Variants in SRGAP3 observed in about 807,000 individuals in gnomAD.
SRGAP3 encodes the protein SLIT-ROBO Rho GTPase-activating protein 3.
In SRGAP3, 39 loss-of-function variants were observed where a neutral mutation model predicts 121.1. The observed-to-expected ratio is 0.32, with a 90% CI of 0.25 to 0.42. The LOEUF is 0.42. Among genes scored for constraint, SRGAP3 ranks in the 10% least tolerant of loss-of-function variants. The pLI is 1.00. For missense variants in SRGAP3, 1,213 were observed against 1,470.6 expected (o/e 0.82, Z 2.86); for synonymous variants, 601 against 570.0 (o/e 1.05, Z -0.77).
At chr3:9,080,603 C>G (rs544578320) in intron 3 of SRGAP3, among the ~76,000 whole-genome samples, 1 of 152,302 alleles carries the variant, frequency 6.6e-6, no homozygotes, top group Non-Finnish European at 1.5e-5. Context: ...AGTCCCCAGC[C>G]TCCAGGCCAC....
intron 3 of SRGAP3, among the ~76,000 whole-genome samples, chr3:9,268,296 G>GTCTCTCTCTCTCTCTCTCTCTCTC (rs71626912): frequency 6.8e-6 from 1 of 147,678 alleles, no homozygotes; most frequent in African/African-American, 2.5e-5. Context: ...AGAGAGAAGA[G>GTCTCTCTCTCTCTCTCTCTCTCTC]TCTCTCTCTC....
At chr3:9,082,039 A>C (rs1947270931) in intron 3 of SRGAP3, among the ~76,000 whole-genome samples, 1 of 152,180 alleles carries the variant, frequency 6.6e-6, no homozygotes, top group African/African-American at 2.4e-5. Flanking sequence ...TCAGCATTGG[A>C]GGCAGAGCCT....
chr3:9,337,413 T>A (rs938370157), intron 1 of SRGAP3, among the ~76,000 whole-genome samples: 3 of 152,266 alleles, frequency 2.0e-5, no homozygotes, highest in African/African-American at 7.2e-5. Context: ...AAATGTCCCC[T>A]CCAAAAGTCA....
chr3:9,051,017 C>CTTTTTTTTT (rs71049766), intron 9 of SRGAP3, among the ~76,000 whole-genome samples: 2 of 81,858 alleles, frequency 2.4e-5, no homozygotes, highest in Non-Finnish European at 4.7e-5. Context: ...AGCCTCATTG[C>CTTTTTTTTT]TTTTTTTTTT....
At chr3:9,056,190 C>G (rs779977694) in intron 8 of SRGAP3, 43 bp downstream of exon 8, 1 of 1,597,620 alleles carries the variant, frequency 6.3e-7, no homozygotes, top group Non-Finnish European at 8.6e-7. Flanking sequence ...ACAAGCCAGG[C>G]CTTCCAAAGA....
At chr3:9,346,329 GA>G (rs1386202708) in intron 1 of SRGAP3, among the ~76,000 whole-genome samples, 1 of 151,978 alleles carries the variant, frequency 6.6e-6, no homozygotes, top group Non-Finnish European at 1.5e-5. Flanking sequence ...ACTGCACCTT[GA>G]ACTCCTGGGC....
At chr3:9,273,094 T>G (rs1954510508) in intron 3 of SRGAP3, among the ~76,000 whole-genome samples, 1 of 152,176 alleles carries the variant, frequency 6.6e-6, no homozygotes, top group African/African-American at 2.4e-5. Context: ...ATTAAACTGT[T>G]CCACCTCAGA....
chr3:9,049,689 A>G (rs1263922868), intron 9 of SRGAP3, among the ~76,000 whole-genome samples: 1 of 151,978 alleles, frequency 6.6e-6, no homozygotes, highest in East Asian at 1.9e-4. Flanking sequence ...CTAACCCTTC[A>G]TTTGACACTG....
intron 1 of SRGAP3, among the ~76,000 whole-genome samples, chr3:9,181,200 C>A (rs977725529): frequency 6.6e-6 from 1 of 152,168 alleles, no homozygotes; most frequent in East Asian, 1.9e-4. Context: ...GGAAGTGTCA[C>A]GTGCTGCACA....
chr3:9,255,437 G>A (rs1017884499), intron 3 of SRGAP3, among the ~76,000 whole-genome samples: 10 of 152,260 alleles, frequency 6.6e-5, no homozygotes, highest in African/African-American at 2.2e-4. Context: ...TGGCAAAGAT[G>A]GCCCCCAAAA....
chr3:9,115,712 G>T (rs957402054), intron 2 of SRGAP3, among the ~76,000 whole-genome samples: 6 of 152,124 alleles, frequency 3.9e-5, no homozygotes, highest in Admixed American at 2.0e-4. Flanking sequence ...AACTGGAATG[G>T]GACTTAGAGT....
At chr3:9,038,551 C>A (rs1028678782) in intron 10 of SRGAP3, among the ~76,000 whole-genome samples, 10 of 152,244 alleles carry the variant, frequency 6.6e-5, no homozygotes, top group African/African-American at 2.4e-4. Context: ...TGACCGAGCC[C>A]CTGTTGTATG....
chr3:9,247,893 A>T (rs1332147365), intron 1 of SRGAP3, among the ~76,000 whole-genome samples: 3 of 152,238 alleles, frequency 2.0e-5, no homozygotes, highest in East Asian at 3.8e-4. Context: ...TGGAGCTTTT[A>T]GATTTTCCTT....
upstream of SRGAP3, among the ~76,000 whole-genome samples, chr3:9,250,650 A>G (rs1559243424): frequency 1.3e-5 from 2 of 152,220 alleles, no homozygotes; most frequent in African/African-American, 2.4e-5. Flanking sequence ...CAAGCACTCA[A>G]TAAACAGTAG....
At chr3:9,038,904 C>T (rs1009296519) in intron 10 of SRGAP3, among the ~76,000 whole-genome samples, 2 of 152,086 alleles carry the variant, frequency 1.3e-5, no homozygotes, top group Non-Finnish European at 2.9e-5. Flanking sequence ...AGCTTTTAAC[C>T]CTTCTGTTGA....
At chr3:9,183,767 AACACAC>A (rs62971361) in intron 1 of SRGAP3, among the ~76,000 whole-genome samples, 5,873 of 147,936 alleles carry the variant, frequency 0.04, 145 homozygotes, top group Middle Eastern at 0.051. Flanking sequence ...CAAATTTGCT[AACACAC>A]ACACACACAC....
chr3:9,169,497 G>A (rs1353923547), intron 1 of SRGAP3, among the ~76,000 whole-genome samples: 3 of 152,180 alleles, frequency 2.0e-5, no homozygotes, highest in African/African-American at 7.2e-5. Context: ...CAAAGGTAGA[G>A]GAGTTACATG....
chr3:9,271,090 T>C (rs1264756658), intron 3 of SRGAP3, among the ~76,000 whole-genome samples: 1 of 152,152 alleles, frequency 6.6e-6, no homozygotes, highest in Admixed American at 6.5e-5. Context: ...TCCCAACACT[T>C]TGGGAGGCCA....
intron 15 of SRGAP3, chr3:9,014,762 G>A (rs930444113): frequency 3.3e-5 from 5 of 152,144 alleles, no homozygotes; most frequent in Non-Finnish European, 5.9e-5. Flanking sequence ...GCCATCTCCT[G>A]GGACACTTTC....
Sources: gnomAD v4.1 joint callset for allele counts (sites outside exome capture counted in the v4.1 genomes callset) on GRCh38, gnomAD v4.1.1 for gene constraint, MANE v1.5 for transcripts, NCBI Gene and HGNC (gene_info 2026-07-23, HGNC 2026-07-21) for gene names.